The following HAS3 variants were observed in gnomAD, a reference collection of about 807,000 sequenced individuals.
HAS3 encodes HA synthase 3.
A neutral mutation model predicts 50.3 loss-of-function variants in HAS3; 27 were observed. The ratio of observed to expected loss-of-function variants is 0.54; its 90% CI spans 0.40 to 0.74. The LOEUF is 0.74. Among genes scored for constraint, HAS3 ranks in the 30% least tolerant of loss-of-function variants. The pLI, the probability that HAS3 is intolerant of heterozygous loss-of-function variation, is 0.00. For missense variants in HAS3, 517 were observed against 742.8 expected (o/e 0.70, Z 3.53); for synonymous variants, 339 against 310.9 (o/e 1.09, Z -0.95).
upstream of HAS3, among the ~76,000 whole-genome samples, chr16:69,105,259 T>C (rs1314399931): frequency 6.6e-6 from 1 of 152,140 alleles, no homozygotes; most frequent in Non-Finnish European, 1.5e-5. Flanking sequence ...CTTCAAGTTT[T>C]CCTGAGATGT....
Position 69,114,858 on chromosome 16 carries a change from G to C in HAS3, c.1254G>C (p.Leu418=), listed in dbSNP as rs1961128547. The change falls in exon 4 of 4, where the codon CTG becomes CTC. Residue 418 remains leucine, a synonymous_variant. Transcript: ENST00000569188. This position sits in a 1 kb window ranked among gnomAD's most constrained non-coding sequence, Gnocchi z 6.4. ...TCCTCTTCCTGCTGACGGTGCAGCTGGTGGGCATTATCAAGGCCACCTACG... is the reference window on the plus strand; with the variant it reads ...TCCTCTTCCTGCTGACGGTGCAGCTCGTGGGCATTATCAAGGCCACCTACG... ...NILLFLLTVQ[L]VGIIKATYAC... 2 of 1,614,072 alleles carry C rather than the reference G, an allele frequency of 1.2e-6. No individual in the cohort carries two copies. Among genetic ancestry groups the C allele is most frequent in the Non-Finnish European group, 1.7e-6 (2 of 1,180,016 alleles).
chr16:69,083,713 G>A, the HAS3 span: 70 of 1,516,750 alleles, frequency 4.6e-5, no homozygotes, highest in South Asian at 1.5e-4. Context: ...ACCCAGAGCC[G>A]TGCCCAGGTC....
intron 2 of HAS3, among the ~76,000 whole-genome samples, chr16:69,112,379 C>G (rs1169669851): frequency 6.6e-6 from 1 of 152,168 alleles, no homozygotes; most frequent in Non-Finnish European, 1.5e-5. Context: ...GGGACTCAGC[C>G]TGGTGCTGAT....
downstream of HAS3, chr16:69,118,049 A>C: frequency 2.3e-6 from 1 of 440,606 alleles, no homozygotes; most frequent in South Asian, 2.8e-5. Context: ...GTAAGAAAAG[A>C]TACAATGCAG....
At chr16:69,089,953 A>G in the HAS3 span, among the ~76,000 whole-genome samples, 1 of 152,168 alleles carries the variant, frequency 6.6e-6, no homozygotes, top group East Asian at 1.9e-4. Context: ...TCTCACAACA[A>G]TCTTGAAGAA....
the HAS3 span, among the ~76,000 whole-genome samples, chr16:69,093,354 G>A: frequency 6.6e-6 from 1 of 151,808 alleles, no homozygotes; most frequent in African/African-American, 2.4e-5. Flanking sequence ...TGGGATTACA[G>A]GCGCATGCCA....
At position 69,109,909 on chromosome 16, in the gene HAS3, G is replaced by A. The variant is rs764717797; in HGVS notation, c.514G>A (p.Asp172Asn). 33 of 1,613,958 alleles carry A rather than the reference G, an allele frequency of 2.0e-5. No individual in the cohort carries two copies. The highest frequency in any genetic ancestry group is 2.5e-5 in the Non-Finnish European group (29 of 1,180,052). The change falls in exon 2 of 4, where the codon GAC becomes AAC. Residue 172 changes from aspartate (D) to asparagine (N), a missense_variant. Physicochemically the swap from Asp to Asn is conservative, Grantham distance 23. Coordinates refer to ENST00000569188, the MANE Select transcript of HAS3 (RefSeq NM_001199280.2). The surrounding 1 kb of genome is among the most constrained non-coding windows in gnomAD (Gnocchi z 5.3). Reference sequence around the variant, plus strand: ...GGAGGCCAGCCTGCAGGAGGGCATGGACCGTGTGCGGGATGTGGTGCGGGC... The same window carrying A: ...GGAGGCCAGCCTGCAGGAGGGCATGAACCGTGTGCGGGATGTGGTGCGGGC... ...ETEASLQEGM[D>N]RVRDVVRAST...
chr16:69,116,486 C>T lies in HAS3; in HGVS notation c.*1220C>T, dbSNP rs1961186864. On this transcript the variant is annotated 3_prime_UTR_variant, in exon 4 of 4. Coordinates refer to ENST00000569188, the MANE Select transcript of HAS3 (RefSeq NM_001199280.2). Reference sequence around the variant, plus strand: ...TCCAATGGAAAGCTTTTCAGTGTTCCCAAAGTGAACTCTCAAATCCAAAAT... The same window carrying T: ...TCCAATGGAAAGCTTTTCAGTGTTCTCAAAGTGAACTCTCAAATCCAAAAT... 2 of 985,710 alleles carry T rather than the reference C, an allele frequency of 2.0e-6. No individual in the cohort carries two copies. Among genetic ancestry groups the T allele is most frequent in the African/African-American group, 3.5e-5 (2 of 57,238 alleles). 61.1% of individuals were successfully genotyped at this position (985,710 alleles called of 1,614,324 possible).
downstream of HAS3, chr16:69,118,198 A>C: frequency 2.0e-6 from 1 of 495,632 alleles, no homozygotes; most frequent in South Asian, 2.0e-5. Context: ...GATTGGGAGT[A>C]CCAGTGAAGA....
At chr16:69,086,522 ATGTGTGTGTGTGTG>A in the HAS3 span, among the ~76,000 whole-genome samples, 45 of 138,418 alleles carry the variant, frequency 3.3e-4, no homozygotes, top group African/African-American at 5.8e-4. Context: ...TTTCTATATT[ATGTGTGTGTGTGTG>A]TGTGTGTGTG....
At chr16:69,096,060 C>CA in the HAS3 span, among the ~76,000 whole-genome samples, 1 of 146,882 alleles carries the variant, frequency 6.8e-6, no homozygotes, top group East Asian at 2.1e-4. Context: ...ACTAAAAATA[C>CA]AAAAAATTAG....
downstream of HAS3, chr16:69,117,717 A>C (rs530401019): frequency 7.2e-5 from 64 of 892,622 alleles, no homozygotes; most frequent in Non-Finnish European, 8.2e-5. Flanking sequence ...CAGTTTCCAA[A>C]GAGGGACTTA....
Position 69,114,696 on chromosome 16 carries a change from G to C in HAS3, c.1092G>C (p.Glu364Asp). The C allele has an allele frequency of 6.2e-7, 1 of 1,614,178 alleles. No individual in the cohort carries two copies. Among genetic ancestry groups the C allele is most frequent in the Non-Finnish European group, 8.5e-7 (1 of 1,180,048 alleles). ...GCTGGAGCAAGTCTTACTTCCGGGA[G>C]TGGCTCTACAACTCTCTGTGGTTCC... ...QTRWSKSYFR[E>D]WLYNSLWFHK... is the part of the protein sequence containing the mutation. The change falls in exon 4 of 4, where the codon GAG becomes GAC. Residue 364 changes from glutamate (E) to aspartate (D), a missense_variant. Physicochemically the swap from Glu to Asp is conservative, Grantham distance 45. Coordinates refer to ENST00000569188, the MANE Select transcript of HAS3 (RefSeq NM_001199280.2). This position sits in a 1 kb window ranked among gnomAD's most constrained non-coding sequence, Gnocchi z 6.4.
intron 1 of HAS3, among the ~76,000 whole-genome samples, chr16:69,108,039 C>T (rs567477836): frequency 1.3e-5 from 2 of 152,178 alleles, no homozygotes; most frequent in Non-Finnish European, 2.9e-5. Flanking sequence ...TTTCCTGAGA[C>T]CTAAGAGTTG....
chr16:69,092,854 A>G, the HAS3 span, among the ~76,000 whole-genome samples: 6 of 152,194 alleles, frequency 3.9e-5, no homozygotes, highest in Admixed American at 6.5e-5. Context: ...AAACAACCTC[A>G]GACACCAAAA....
In HAS3 at chr16:69,114,075, C is replaced by T. The variant is rs1344415260; in HGVS notation, c.739-268C>T. On this transcript the variant is annotated intron_variant, in intron 3 of 3. Coordinates refer to ENST00000569188, the MANE Select transcript of HAS3 (RefSeq NM_001199280.2). This position sits in a 1 kb window ranked among gnomAD's most constrained non-coding sequence, Gnocchi z 6.4. ...CACCACCACAGGCTGCCTCCTGAGA[C>T]CGAAGGTGGCTTTGACTGCTAGAGC... 6.6e-6 allele frequency among the ~76,000 whole-genome samples: 1 copy of T among 152,192 alleles called. No individual in the cohort carries two copies. Among genetic ancestry groups the T allele is most frequent in the Non-Finnish European group, 1.5e-5 (1 of 68,038 alleles).
the HAS3 span, among the ~76,000 whole-genome samples, chr16:69,099,796 A>G: frequency 1.5e-4 from 23 of 151,516 alleles, no homozygotes; most frequent in Non-Finnish European, 2.4e-4. Context: ...TAAAAAGATA[A>G]GTGTTGAAAA....
Position 69,114,137 on chromosome 16 carries a change from C to T in HAS3, c.739-206C>T, listed in dbSNP as rs1002988864. ...GAAAATCTCTGCAGATAAGATGACA[C>T]AGTAGGGAGGTAGAGCTGGTGCTGG... On this transcript the variant is annotated intron_variant, in intron 3 of 3. Coordinates refer to ENST00000569188, the MANE Select transcript of HAS3 (RefSeq NM_001199280.2). The surrounding 1 kb of genome is among the most constrained non-coding windows in gnomAD (Gnocchi z 6.4). 2.0e-5 allele frequency among the ~76,000 whole-genome samples: 3 copies of T among 152,162 alleles called. No individual in the cohort carries two copies. The highest frequency in any genetic ancestry group is 7.2e-5 in the African/African-American group (3 of 41,444).
rs1281869212 is a variant in HAS3 at position 69,116,604 on chromosome 16, T to C, written c.*1338T>C. On this transcript the variant is annotated 3_prime_UTR_variant, in exon 4 of 4. Coordinates refer to ENST00000569188, the MANE Select transcript of HAS3 (RefSeq NM_001199280.2). ...CAGTCACTGCATTTGCCTGCTTCTT[T>C]CCAGAAACCAAACTAGGAGATGAAA... The C allele has an allele frequency of 1.0e-6, 1 of 985,546 alleles. No individual in the cohort carries two copies. Among genetic ancestry groups the C allele is most frequent in the Non-Finnish European group, 1.2e-6 (1 of 829,942 alleles). 61.1% of individuals were successfully genotyped at this position (985,546 alleles called of 1,614,324 possible).
Sources: allele counts gnomAD v4.1 joint callset (sites outside exome capture counted in the v4.1 genomes callset), GRCh38; gene constraint gnomAD v4.1.1; non-coding constraint Gnocchi (gnomAD v3.1); transcripts MANE v1.5; gene names NCBI Gene and HGNC (gene_info 2026-07-23, HGNC 2026-07-21).